Variants in ADAMTS3 observed in about 807,000 individuals in gnomAD.
The protein encoded by ADAMTS3 is ADAM metallopeptidase with thrombospondin type 1 motif 3.
ADAMTS3 carries 73 observed loss-of-function variants against 129.0 expected under a neutral mutation model. The observed-to-expected ratio is 0.57, with a 90% CI of 0.47 to 0.69. The LOEUF (loss-of-function observed/expected upper bound fraction) is 0.69. Ranked by LOEUF, ADAMTS3 falls within the 30% of genes least tolerant of loss-of-function variation. The pLI, the probability that ADAMTS3 is intolerant of heterozygous loss-of-function variation, is 0.00. For synonymous variants in ADAMTS3, 477 were observed against 510.8 expected (o/e 0.93, Z 0.89); for missense variants, 1,457 against 1,514.5 (o/e 0.96, Z 0.63).
chr4:72,342,806 C>T (rs543866688), intron 4 of ADAMTS3, among the ~76,000 whole-genome samples: 3 of 152,250 alleles, frequency 2.0e-5, no homozygotes, highest in African/African-American at 7.2e-5. Context: ...GGTACTGTGG[C>T]CCCACCAAGA....
chr4:72,391,181 GTAGT>G (rs939024573), intron 4 of ADAMTS3, among the ~76,000 whole-genome samples: 3 of 152,178 alleles, frequency 2.0e-5, no homozygotes, highest in Non-Finnish European at 4.4e-5. Flanking sequence ...AGAATAAAGG[GTAGT>G]TAGAGGGAAG....
chr4:72,364,496 T>C (rs1328048783), intron 4 of ADAMTS3, among the ~76,000 whole-genome samples: 3 of 151,672 alleles, frequency 2.0e-5, no homozygotes, highest in Admixed American at 2.0e-4. Context: ...ACGCCTGTAA[T>C]CCCAGCTACT....
chr4:72,481,817 A>C (rs534289880), intron 3 of ADAMTS3, among the ~76,000 whole-genome samples: 161 of 152,264 alleles, frequency 1.1e-3, no homozygotes, highest in Non-Finnish European at 1.9e-3. Context: ...TTAGCTCAAA[A>C]TGTAAATTTA....
intron 3 of ADAMTS3, among the ~76,000 whole-genome samples, chr4:72,512,502 G>GAATA (rs922951922): frequency 6.6e-6 from 1 of 151,838 alleles, no homozygotes; most frequent in Non-Finnish European, 1.5e-5. Flanking sequence ...AAAAATAAAT[G>GAATA]AATAAATAAA....
chr4:72,467,050 T>A (rs923176248), intron 3 of ADAMTS3, among the ~76,000 whole-genome samples: 3 of 152,068 alleles, frequency 2.0e-5, no homozygotes, highest in Non-Finnish European at 4.4e-5. Flanking sequence ...CAAAGTTGTA[T>A]TTTATTTTGT....
intron 5 of ADAMTS3, among the ~76,000 whole-genome samples, chr4:72,324,416 A>G (rs753932497): frequency 2.6e-5 from 4 of 151,216 alleles, no homozygotes; most frequent in Non-Finnish European, 4.4e-5. Context: ...CTGAATTTGT[A>G]GAAGTCACAA....
chr4:72,551,295 C>T (rs1358794455), intron 2 of ADAMTS3, among the ~76,000 whole-genome samples: 1 of 152,074 alleles, frequency 6.6e-6, no homozygotes, highest in Non-Finnish European at 1.5e-5. Context: ...GGAGCCTTCT[C>T]CATACCCAAG....
chr4:72,392,081 A>G (rs1438681487), intron 4 of ADAMTS3, among the ~76,000 whole-genome samples: 1 of 152,200 alleles, frequency 6.6e-6, no homozygotes, highest in African/African-American at 2.4e-5. Context: ...AAAACCTAAC[A>G]TTTCCATCTG....
chr4:72,499,032 C>T (rs1171380945), intron 3 of ADAMTS3, among the ~76,000 whole-genome samples: 1 of 152,062 alleles, frequency 6.6e-6, no homozygotes, highest in Non-Finnish European at 1.5e-5. Flanking sequence ...AATCTTCAGC[C>T]CCTACAAGAC....
chr4:72,521,659 T>C (rs978609660), intron 3 of ADAMTS3, among the ~76,000 whole-genome samples: 1 of 152,124 alleles, frequency 6.6e-6, no homozygotes, highest in Non-Finnish European at 1.5e-5. Context: ...ATTTATTATA[T>C]TATACATAAA....
intron 13 of ADAMTS3, 34 bp from the exon 14 acceptor site, chr4:72,311,215 C>T (rs1405546801): frequency 3.2e-6 from 5 of 1,579,820 alleles, no homozygotes; most frequent in South Asian, 1.2e-5. Context: ...TAACTATTTA[C>T]ATAAAATGGA....
intron 4 of ADAMTS3, among the ~76,000 whole-genome samples, chr4:72,357,103 C>T (rs1270777758): frequency 6.6e-6 from 1 of 151,760 alleles, no homozygotes; most frequent in Admixed American, 6.6e-5. Flanking sequence ...ACTACAATGG[C>T]TGGAAGACAA....
chr4:72,384,901 G>C (rs367839068), intron 4 of ADAMTS3, among the ~76,000 whole-genome samples: 2 of 152,158 alleles, frequency 1.3e-5, no homozygotes, highest in African/African-American at 2.4e-5. Context: ...GGGTGTGGTG[G>C]CTCACGCCTG....
chr4:72,305,244 G>T (rs1332296763), intron 16 of ADAMTS3, among the ~76,000 whole-genome samples: 2 of 151,954 alleles, frequency 1.3e-5, no homozygotes, highest in African/African-American at 4.8e-5. Context: ...AAATCTTCTT[G>T]TGGAAATTAT....
At chr4:72,504,188 G>A (rs1383926324) in intron 3 of ADAMTS3, among the ~76,000 whole-genome samples, 1 of 152,044 alleles carries the variant, frequency 6.6e-6, no homozygotes, top group East Asian at 1.9e-4. Flanking sequence ...TTGGGTCTGT[G>A]GGCTATGTAC....
intron 5 of ADAMTS3, among the ~76,000 whole-genome samples, chr4:72,331,450 A>G (rs905532267): frequency 3.3e-5 from 5 of 152,130 alleles, no homozygotes; most frequent in African/African-American, 1.2e-4. Context: ...CTCTCCTCCA[A>G]ATAATTCTAA....
In ADAMTS3 at chr4:72,370,927, C is replaced by T. The variant is rs140899608; in HGVS notation, c.662-31234G>A. On this transcript the variant is annotated intron_variant, in intron 4 of 21. Transcript: ENST00000286657. ...TGGAAGTAGTGTCATTACTGATGTACGCAAGATCAAGTCATAATGAATTAG... is the reference window on the plus strand; with the variant it reads ...TGGAAGTAGTGTCATTACTGATGTATGCAAGATCAAGTCATAATGAATTAG... Among the ~76,000 whole-genome samples the T allele has an allele frequency of 9.2e-5, 14 of 152,144 alleles. 1 individual carries two copies. The highest frequency in any genetic ancestry group is 3.9e-4 in the East Asian group (2 of 5,170).
chr4:72,359,811 G>A (rs77874158), intron 4 of ADAMTS3, among the ~76,000 whole-genome samples: 11,014 of 152,044 alleles, frequency 0.072, 627 homozygotes, highest in East Asian at 0.29. Context: ...ACTCATCACT[G>A]AGTTAACAGC....
At chr4:72,385,610 T>C (rs1370450418) in intron 4 of ADAMTS3, among the ~76,000 whole-genome samples, 2 of 151,972 alleles carry the variant, frequency 1.3e-5, no homozygotes, top group Non-Finnish European at 2.9e-5. Flanking sequence ...AGGTTGAAAG[T>C]AAATATGTGG....
Sources: gnomAD v4.1 joint callset for allele counts (sites outside exome capture counted in the v4.1 genomes callset) on GRCh38, gnomAD v4.1.1 for gene constraint, MANE v1.5 for transcripts, NCBI Gene and HGNC (gene_info 2026-07-23, HGNC 2026-07-21) for gene names.